The following CHRNG variants were observed in gnomAD, a reference collection of about 807,000 sequenced individuals.
CHRNG encodes the protein acetylcholine receptor subunit gamma.
In CHRNG, 72 loss-of-function variants were observed where a neutral mutation model predicts 65.2. The observed-to-expected ratio is 1.10, with a 90% CI of 0.91 to 1.34. The LOEUF (loss-of-function observed/expected upper bound fraction) is 1.34, where lower values mean the gene tolerates loss of function less well. Ranked by LOEUF, CHRNG falls within the 40% of genes most tolerant of loss-of-function variation. The pLI, the probability that CHRNG is intolerant of heterozygous loss-of-function variation, is 0.00. For synonymous variants in CHRNG, 284 were observed against 290.2 expected (o/e 0.98, Z 0.22); for missense variants, 637 against 680.1 (o/e 0.94, Z 0.70).
chr2:232,540,375 C>T lies in CHRNG; in HGVS notation c.196-6C>T. 1 of 1,614,014 alleles carries T rather than the reference C, an allele frequency of 6.2e-7. No homozygotes were observed. The highest frequency in any genetic ancestry group is 1.6e-4 in the Middle Eastern group (1 of 6,062). ...AGCCCTCCATACTACACCCTTGCAC[C>T]CCCAGAACGAGCGAGAGGAAGCCCT... On this transcript the variant is annotated splice_region_variant and splice_polypyrimidine_tract_variant and intron_variant, in intron 2 of 11. Coordinates refer to ENST00000651502, the MANE Select transcript of CHRNG (RefSeq NM_005199.5). This position sits in a 1 kb window ranked among gnomAD's most constrained non-coding sequence, Gnocchi z 4.2.
At chr2:232,543,921 A>G (rs763276643) in intron 9 of CHRNG, among the ~76,000 whole-genome samples, 8 of 152,354 alleles carry the variant, frequency 5.3e-5, no homozygotes, top group Middle Eastern at 3.4e-3. Context: ...CATAAAACCC[A>G]TATCACCTCC....
intron 9 of CHRNG, among the ~76,000 whole-genome samples, chr2:232,543,941 T>C (rs1446413067): frequency 6.6e-6 from 1 of 152,216 alleles, no homozygotes; most frequent in African/African-American, 2.4e-5. Flanking sequence ...CAATTACAGA[T>C]GAGGACGTTG....
chr2:232,539,940 C>A, intron 1 of CHRNG, 52 bp from the exon 2 acceptor site: 5 of 1,613,418 alleles, frequency 3.1e-6, no homozygotes, highest in Non-Finnish European at 4.2e-6. Flanking sequence ...CCAGGGCCTC[C>A]CCGCTCTTTC....
rs1389332291 is a variant in CHRNG, at chr2:232,540,361, C to T, written c.196-20C>T. 1.9e-6 allele frequency: 3 copies of T among 1,614,014 alleles called. No individual in the cohort carries two copies. Among genetic ancestry groups the T allele is most frequent in the Non-Finnish European group, 2.5e-6 (3 of 1,179,926 alleles). ...GAAGTCGGGGGCTGAGCCCTCCATACTACACCCTTGCACCCCCAGAACGAG... is the reference window on the plus strand; with the variant it reads ...GAAGTCGGGGGCTGAGCCCTCCATATTACACCCTTGCACCCCCAGAACGAG... On this transcript the variant is annotated intron_variant, in intron 2 of 11. Transcript: ENST00000651502. The surrounding 1 kb of genome is among the most constrained non-coding windows in gnomAD (Gnocchi z 4.2).
intron 9 of CHRNG, 141 bp from the exon 10 acceptor site, chr2:232,544,226 T>C: frequency 2.7e-6 from 2 of 754,402 alleles, no homozygotes; most frequent in South Asian, 2.8e-5. Flanking sequence ...TCGTGTCCAG[T>C]ATAGAAAGCT....
rs560116446 is a variant in CHRNG at position 232,546,846 on chromosome 2, T to C, written c.*1130T>C. ...AAAACAGGCCCTTCTTCCCAAAGGA[T>C]GGTTAAGACAAGGAAGAGCTAGGCA... is the stretch of plus-strand genomic sequence containing the variant. On this transcript the variant is annotated 3_prime_UTR_variant, in exon 12 of 12. Transcript: ENST00000651502. Among the ~76,000 whole-genome samples, 8 of 152,154 alleles carry C rather than the reference T, an allele frequency of 5.3e-5. No homozygotes were observed. Among genetic ancestry groups the C allele is most frequent in the African/African-American group, 1.9e-4 (8 of 41,502 alleles).
Position 232,540,919 on chromosome 2 carries a change from G to A in CHRNG, c.350+208G>A, listed in dbSNP as rs898208352. 6.6e-6 allele frequency among the ~76,000 whole-genome samples: 1 copy of A among 152,074 alleles called. No homozygotes were observed. The highest frequency in any genetic ancestry group is 1.5e-5 in the Non-Finnish European group (1 of 68,002). ...CCAGGGCCAGCAGAGCAGACCCTAC[G>A]CCAGGCTCCATCTCCTCTGGGCTGG... On this transcript the variant is annotated intron_variant, in intron 4 of 11. Transcript: ENST00000651502. This position sits in a 1 kb window ranked among gnomAD's most constrained non-coding sequence, Gnocchi z 4.2.
intron 7 of CHRNG, 67 bp from the exon 8 acceptor site, chr2:232,543,208 G>A: frequency 1.3e-6 from 2 of 1,530,848 alleles, no homozygotes; most frequent in South Asian, 2.2e-5. Context: ...CTACTTCTGG[G>A]GTAAGGGGTT....
Position 232,540,287 on chromosome 2 carries a change from G to C in CHRNG, c.196-94G>C. On this transcript the variant is annotated intron_variant, in intron 2 of 11. Coordinates refer to ENST00000651502, the MANE Select transcript of CHRNG (RefSeq NM_005199.5). This position sits in a 1 kb window ranked among gnomAD's most constrained non-coding sequence, Gnocchi z 4.2. Reference sequence around the variant, plus strand: ...ATGGTTGTGGGGGGAGTACTATCAAGAGGCTGGGGGATGCTTGGCCCCATT... The same window carrying C: ...ATGGTTGTGGGGGGAGTACTATCAACAGGCTGGGGGATGCTTGGCCCCATT... The C allele has an allele frequency of 6.2e-7, 1 of 1,601,698 alleles. No homozygotes were observed. The highest frequency in any genetic ancestry group is 8.6e-7 in the Non-Finnish European group (1 of 1,168,952).
At chr2:232,542,804 C>A in intron 6 of CHRNG, 78 bp from the exon 7 acceptor site, 1 of 1,316,336 alleles carries the variant, frequency 7.6e-7, no homozygotes, top group Non-Finnish European at 1.1e-6. Flanking sequence ...GCTGCCCTTG[C>A]AGCTGGGTCA....
Position 232,540,498 on chromosome 2 carries a change from C to T in CHRNG, c.240+73C>T. 6.2e-7 allele frequency: 1 copy of T among 1,603,246 alleles called. No individual in the cohort carries two copies. The highest frequency in any genetic ancestry group is 8.5e-7 in the Non-Finnish European group (1 of 1,174,362). On this transcript the variant is annotated intron_variant, in intron 3 of 11. Coordinates refer to ENST00000651502, the MANE Select transcript of CHRNG (RefSeq NM_005199.5). The surrounding 1 kb of genome is among the most constrained non-coding windows in gnomAD (Gnocchi z 4.2). The stretch of plus-strand genomic sequence containing the variant: ...CCACCCCAAGGCCTCCTGAGAGTTG[C>T]CTGCCCCGTTCCTGCCTCTTCTGTC...
At chr2:232,545,431 A>G in intron 11 of CHRNG, 112 bp from the exon 12 acceptor site, 1 of 996,954 alleles carries the variant, frequency 1.0e-6, no homozygotes, top group Non-Finnish European at 1.5e-6. Context: ...ATAGGTAAGA[A>G]GGGCCCCAGG....
chr2:232,541,578 C>T lies in CHRNG; in HGVS notation c.506+49C>T. ...TTAAGAGAGCTGCTCTCAGAGGGGC[C>T]TGGGCAGTGGTGGGGTAAGGCCTGG... On this transcript the variant is annotated intron_variant, in intron 5 of 11. Transcript: ENST00000651502. This position sits in a 1 kb window ranked among gnomAD's most constrained non-coding sequence, Gnocchi z 4.0. The T allele has an allele frequency of 1.2e-6, 2 of 1,605,082 alleles. No homozygotes were observed. The highest frequency in any genetic ancestry group is 1.1e-5 in the South Asian group (1 of 91,024).
chr2:232,544,151 G>A (rs2106222637), intron 9 of CHRNG, among the ~76,000 whole-genome samples: 1 of 152,328 alleles, frequency 6.6e-6, no homozygotes, highest in Non-Finnish European at 1.5e-5. Flanking sequence ...GCTGGGGGCA[G>A]GAATCTGTGT....
Position 232,543,712 on chromosome 2 carries a change from C to T in CHRNG, c.1035+13C>T, listed in dbSNP as rs1559304633. The T allele has an allele frequency of 2.6e-6, 4 of 1,520,206 alleles. No homozygotes were observed. Among genetic ancestry groups the T allele is most frequent in the Non-Finnish European group, 3.7e-6 (4 of 1,094,868 alleles). 94.2% of individuals were successfully genotyped at this position (1,520,206 alleles called of 1,614,324 possible). ...AGGGGTCCGCAAGGCAAGGACCCTC[C>T]CTGCCCACTTCAACATCCCGCTGCC... is the stretch of plus-strand genomic sequence containing the variant. On this transcript the variant is annotated intron_variant, in intron 9 of 11. Transcript: ENST00000651502.
rs1259282223 is a variant in CHRNG, at chr2:232,541,111, T to A, written c.351-263T>A. Among the ~76,000 whole-genome samples, 560 of 141,042 alleles carry A rather than the reference T, an allele frequency of 4.0e-3. 2 individuals are homozygous for A. Among genetic ancestry groups the A allele is most frequent in the African/African-American group, 0.013 (522 of 40,050 alleles). 92.5% of individuals were successfully genotyped at this position (141,042 alleles called of 152,430 possible). ...CTATTATGACTATTATTATTATTAT[T>A]ATTATTATGATTAAAACAAGAGAGA... On this transcript the variant is annotated intron_variant, in intron 4 of 11. Coordinates refer to ENST00000651502, the MANE Select transcript of CHRNG (RefSeq NM_005199.5). The surrounding 1 kb of genome is among the most constrained non-coding windows in gnomAD (Gnocchi z 4.0).
intron 11 of CHRNG, 97 bp from the exon 12 acceptor site, chr2:232,545,446 G>T: frequency 8.9e-7 from 1 of 1,122,424 alleles, no homozygotes; most frequent in Non-Finnish European, 1.3e-6. Flanking sequence ...CCCAGGAAAT[G>T]GAGACATGGG....
intron 8 of CHRNG, 36 bp downstream of exon 8, chr2:232,543,425 C>CT: frequency 1.4e-6 from 2 of 1,480,350 alleles, no homozygotes; most frequent in Non-Finnish European, 1.9e-6. Context: ...GCCTATGCCA[C>CT]TCTCCCTTCT....
In CHRNG at chr2:232,540,828, G is replaced by A; in HGVS notation, c.350+117G>A. 1 of 953,370 alleles carries A rather than the reference G, an allele frequency of 1.0e-6. No homozygotes were observed. The highest frequency in any genetic ancestry group is 1.6e-5 in the African/African-American group (1 of 62,014). 59.1% of individuals were successfully genotyped at this position (953,370 alleles called of 1,614,324 possible). A position where few individuals can be genotyped will look rare whatever the true frequency, so the allele number is the denominator to read the frequency against. ...AGCAGAGGGTGCAAATCGGGCACCT[G>A]TGGGGCTAGGGAAGAACTGGATGGA... On this transcript the variant is annotated intron_variant, in intron 4 of 11. Coordinates refer to ENST00000651502, the MANE Select transcript of CHRNG (RefSeq NM_005199.5). This position sits in a 1 kb window ranked among gnomAD's most constrained non-coding sequence, Gnocchi z 4.2.
Sources: allele counts gnomAD v4.1 joint callset (sites outside exome capture counted in the v4.1 genomes callset), GRCh38; gene constraint gnomAD v4.1.1; non-coding constraint Gnocchi (gnomAD v3.1); transcripts MANE v1.5; gene names NCBI Gene and HGNC (gene_info 2026-07-23, HGNC 2026-07-21).